RBFOX1: variants seen among roughly 807,000 people sequenced by gnomAD.
The protein encoded by RBFOX1 is RNA binding protein fox-1 homolog 1.
RBFOX1 carries 8 observed loss-of-function variants against 57.7 expected under a neutral mutation model. That is an observed-to-expected ratio of 0.14 (90% CI 0.08 to 0.25). The LOEUF is 0.25. RBFOX1 is among the 10% of genes least tolerant of loss of function. The pLI is 1.00. For synonymous variants in RBFOX1, 326 were observed against 222.4 expected, an observed-to-expected ratio of 1.47 and a Z score of -4.15; for missense variants, 611 against 548.5, an observed-to-expected ratio of 1.11 and a Z score of -1.14.
At chr16:6,631,990 G>A (rs1368370603) in intron 2 of RBFOX1, among the ~76,000 whole-genome samples, 1 of 152,144 alleles carries the variant, frequency 6.6e-6, no homozygotes, top group Non-Finnish European at 1.5e-5. Flanking sequence ...GGAAGGAGAG[G>A]CCATTAGGGT....
Position 7,140,741 on chromosome 16 carries a change from T to A in RBFOX1, c.27+88643T>A, listed in dbSNP as rs151112766. On this transcript the variant is annotated intron_variant, in intron 4 of 15. Transcript: ENST00000550418. ...GGAACTGGGAGTGAGAGACGGAGAC[T>A]TGAATGAGGAAATATTTATGGGGAA... 7.9e-3 allele frequency among the ~76,000 whole-genome samples: 1,206 copies of A among 152,254 alleles called. 22 individuals are homozygous for A. Among genetic ancestry groups the A allele is most frequent in the African/African-American group, 0.027 (1,138 of 41,542 alleles).
intron 3 of RBFOX1, among the ~76,000 whole-genome samples, chr16:5,670,417 C>G (rs2049981900): frequency 6.6e-6 from 1 of 152,104 alleles, no homozygotes; most frequent in Non-Finnish European, 1.5e-5. Flanking sequence ...ATTCTGTAGC[C>G]CATGTCCATA....
At chr16:7,367,844 A>G (rs1568447972) in intron 4 of RBFOX1, among the ~76,000 whole-genome samples, 4 of 151,876 alleles carry the variant, frequency 2.6e-5, no homozygotes, top group Admixed American at 1.3e-4. Context: ...ATATATATAT[A>G]TGCATATATA....
intron 4 of RBFOX1, among the ~76,000 whole-genome samples, chr16:7,309,651 C>T (rs193262257): frequency 6.6e-6 from 1 of 152,144 alleles, no homozygotes; most frequent in African/African-American, 2.4e-5. Context: ...ATTCATTTAA[C>T]CAGGTTCTCT....
intron 4 of RBFOX1, among the ~76,000 whole-genome samples, chr16:7,218,890 C>T (rs1166917165): frequency 6.6e-6 from 1 of 152,086 alleles, no homozygotes; most frequent in East Asian, 1.9e-4. Flanking sequence ...GCATCGCATG[C>T]AGTTAGCATG....
chr16:6,148,358 C>T (rs943898071), intron 1 of RBFOX1, among the ~76,000 whole-genome samples: 4 of 152,146 alleles, frequency 2.6e-5, no homozygotes, highest in Non-Finnish European at 5.9e-5. Flanking sequence ...TGCCAATGTG[C>T]TGGTCATACT....
intron 4 of RBFOX1, among the ~76,000 whole-genome samples, chr16:7,120,118 G>C (rs2066784194): frequency 1.3e-5 from 2 of 152,086 alleles, no homozygotes; most frequent in Non-Finnish European, 2.9e-5. Context: ...CAAAGAGGAA[G>C]TCTCAAGGGG....
intron 4 of RBFOX1, among the ~76,000 whole-genome samples, chr16:7,330,440 T>C (rs1332629719): frequency 1.4e-5 from 2 of 139,246 alleles, no homozygotes; most frequent in Admixed American, 1.5e-4. Context: ...TGGTTGAATC[T>C]ATGGATGTGG....
chr16:7,631,235 GCA>G (rs1568187437), intron 11 of RBFOX1, among the ~76,000 whole-genome samples: 11 of 152,166 alleles, frequency 7.2e-5, no homozygotes, highest in Non-Finnish European at 1.6e-4. Flanking sequence ...AAGTGCAGGG[GCA>G]GCAACATTAA....
At chr16:7,666,515 T>A (rs767156698) in intron 13 of RBFOX1, among the ~76,000 whole-genome samples, 2 of 152,176 alleles carry the variant, frequency 1.3e-5, no homozygotes, top group Non-Finnish European at 2.9e-5. Flanking sequence ...TAATGTGTGG[T>A]GTCTTATGCA....
chr16:5,506,958 C>T (rs1434138265), intron 2 of RBFOX1, among the ~76,000 whole-genome samples: 1 of 152,080 alleles, frequency 6.6e-6, no homozygotes, highest in East Asian at 1.9e-4. Flanking sequence ...CTCAAAAGCC[C>T]CGTCTCAGAG....
At chr16:5,457,247 G>A (rs1266930722) in intron 1 of RBFOX1, among the ~76,000 whole-genome samples, 2 of 152,090 alleles carry the variant, frequency 1.3e-5, no homozygotes, top group Admixed American at 6.5e-5. Context: ...AGATCCTCCT[G>A]CCTCAGCCTC....
intron 2 of RBFOX1, among the ~76,000 whole-genome samples, chr16:6,610,867 T>G (rs182118300): frequency 6.4e-4 from 98 of 152,316 alleles, no homozygotes; most frequent in African/African-American, 2.1e-3. Context: ...AACTGTTCTT[T>G]TAAAAGTAGG....
chr16:6,452,710 A>C (rs2094661733), intron 2 of RBFOX1, among the ~76,000 whole-genome samples: 1 of 152,226 alleles, frequency 6.6e-6, no homozygotes, highest in Non-Finnish European at 1.5e-5. Context: ...GGTGGTTCAC[A>C]GTTTAGCCTT....
intron 3 of RBFOX1, among the ~76,000 whole-genome samples, chr16:5,619,170 T>A (rs2048132027): frequency 6.6e-6 from 1 of 152,150 alleles, no homozygotes; most frequent in African/African-American, 2.4e-5. Flanking sequence ...AGGCCTCAGC[T>A]CTAAGGCTAT....
At chr16:7,209,769 G>A (rs1266691185) in intron 4 of RBFOX1, among the ~76,000 whole-genome samples, 1 of 152,138 alleles carries the variant, frequency 6.6e-6, no homozygotes, top group Non-Finnish European at 1.5e-5. Context: ...CATTGCCCAG[G>A]GGCGTTCTGT....
At chr16:6,621,389 G>A (rs1031474818) in intron 2 of RBFOX1, among the ~76,000 whole-genome samples, 12 of 152,154 alleles carry the variant, frequency 7.9e-5, no homozygotes, top group Admixed American at 2.0e-4. Context: ...GCGTGAACCC[G>A]GGAGGCGGAG....
intron 3 of RBFOX1, among the ~76,000 whole-genome samples, chr16:6,911,202 C>CA (rs34017800): frequency 0.044 from 6,051 of 138,644 alleles, 446 homozygotes; most frequent in African/African-American, 0.15. Context: ...AATTGTGTCT[C>CA]AAAAAAAAAA....
At chr16:7,451,580 C>T (rs1172170040) in intron 4 of RBFOX1, among the ~76,000 whole-genome samples, 1 of 152,120 alleles carries the variant, frequency 6.6e-6, no homozygotes, top group South Asian at 2.1e-4. Flanking sequence ...TAGAGACTGG[C>T]TTCTAAATTC....
Sources: gnomAD v4.1 joint callset for allele counts (sites outside exome capture counted in the v4.1 genomes callset) on GRCh38, gnomAD v4.1.1 for gene constraint, MANE v1.5 for transcripts, NCBI Gene and HGNC (gene_info 2026-07-23, HGNC 2026-07-21) for gene names.